HDAC4: variants seen among roughly 807,000 people sequenced by gnomAD.
HDAC4 encodes histone deacetylase A.
HDAC4 carries 16 observed loss-of-function variants against 135.1 expected under a neutral mutation model. The ratio of observed to expected loss-of-function variants is 0.12; its 90% CI spans 0.08 to 0.18. The LOEUF is 0.18. HDAC4 is among the 10% of genes least tolerant of loss of function. HDAC4 has a pLI of 1.00. For synonymous variants in HDAC4, 685 were observed against 653.4 expected, an observed-to-expected ratio of 1.05 and a Z score of -0.74; for missense variants, 1,143 against 1,511.8, an observed-to-expected ratio of 0.76 and a Z score of 4.05.
Position 239,082,023 on chromosome 2 carries a change from G to A in HDAC4, c.2652+79C>T. 4.7e-6 allele frequency: 7 copies of A among 1,497,098 alleles called. 1 individual carries two copies. In the South Asian group the frequency reaches 6.8e-5, roughly 15 times the overall value. The allele number at this position is 1,497,098 out of a possible 1,614,324, so 92.7% of individuals were successfully genotyped here. ...GCACTCACTGCTGCCGGGCAGCTGT[G>A]GACCGTCTGCCCCGTGCCCCCACAG... is the stretch of plus-strand genomic sequence containing the variant. On this transcript the variant is annotated intron_variant, in intron 21 of 26. Coordinates refer to ENST00000543185, the MANE Select transcript of HDAC4 (RefSeq NM_001378414.1).
intron 21 of HDAC4, among the ~76,000 whole-genome samples, chr2:239,081,445 C>T (rs979007478): frequency 7.2e-5 from 11 of 152,242 alleles, no homozygotes; most frequent in African/African-American, 2.7e-4. Context: ...GCCCTTGGCA[C>T]ACCAAGGCCC....
intron 2 of HDAC4, among the ~76,000 whole-genome samples, chr2:239,258,854 C>T (rs967912008): frequency 3.3e-5 from 5 of 152,118 alleles, no homozygotes; most frequent in East Asian, 1.9e-4. Flanking sequence ...GGCTCTACTC[C>T]GAAGTGAAGA....
chr2:239,138,216 G>A (rs1226231256), intron 9 of HDAC4, among the ~76,000 whole-genome samples: 1 of 152,200 alleles, frequency 6.6e-6, no homozygotes, highest in Non-Finnish European at 1.5e-5. Flanking sequence ...GGCTGAAGAA[G>A]ACAGGTAATA....
At chr2:239,128,190 T>C (rs1039207301) in intron 11 of HDAC4, among the ~76,000 whole-genome samples, 1 of 152,114 alleles carries the variant, frequency 6.6e-6, no homozygotes, top group Non-Finnish European at 1.5e-5. Flanking sequence ...AGTGAATAAC[T>C]AAAAATCCAT....
chr2:239,278,002 C>A (rs995044352), intron 2 of HDAC4, among the ~76,000 whole-genome samples: 7 of 152,030 alleles, frequency 4.6e-5, no homozygotes, highest in African/African-American at 9.7e-5. Context: ...CAGCCACACA[C>A]CCCAGCCACA....
At chr2:239,162,645 C>T (rs977686107) in intron 6 of HDAC4, among the ~76,000 whole-genome samples, 2 of 152,168 alleles carry the variant, frequency 1.3e-5, no homozygotes, top group Admixed American at 6.5e-5. Context: ...ACGCCGGTCT[C>T]ACTCCTCCTT....
At chr2:239,261,369 G>T (rs2049355090) in intron 2 of HDAC4, among the ~76,000 whole-genome samples, 1 of 152,176 alleles carries the variant, frequency 6.6e-6, no homozygotes, top group African/African-American at 2.4e-5. Context: ...CACCCCAGCA[G>T]CTGCCGTGTG....
chr2:239,087,820 C>T (rs1040703814), intron 18 of HDAC4, among the ~76,000 whole-genome samples: 1 of 151,982 alleles, frequency 6.6e-6, no homozygotes, highest in Non-Finnish European at 1.5e-5. Context: ...CTAAAGAGGT[C>T]TGGGGGCTAC....
intron 14 of HDAC4, among the ~76,000 whole-genome samples, chr2:239,110,259 T>C (rs1324435350): frequency 6.6e-6 from 1 of 152,254 alleles, no homozygotes; most frequent in Non-Finnish European, 1.5e-5. Context: ...CATGTTTTTC[T>C]TTACAATGAA....
At chr2:239,057,124 C>T (rs769637476) in intron 24 of HDAC4, among the ~76,000 whole-genome samples, 6 of 152,176 alleles carry the variant, frequency 3.9e-5, no homozygotes, top group Admixed American at 1.3e-4. Context: ...TTGTGACAAA[C>T]GACTCATATC....
intron 19 of HDAC4, 69 bp downstream of exon 19, chr2:239,087,490 C>T (rs2036091724): frequency 3.4e-6 from 5 of 1,468,878 alleles, no homozygotes; most frequent in Admixed American, 1.9e-5. Context: ...CTCACACACC[C>T]ACCCAGCCCT....
chr2:239,364,327 C>T (rs1245897543), intron 1 of HDAC4, among the ~76,000 whole-genome samples: 1 of 152,222 alleles, frequency 6.6e-6, no homozygotes, highest in Non-Finnish European at 1.5e-5. Context: ...GTCATCATAC[C>T]ACAGAACACC....
At chr2:239,213,881 T>C (rs1348329786) in intron 3 of HDAC4, among the ~76,000 whole-genome samples, 1 of 152,216 alleles carries the variant, frequency 6.6e-6, no homozygotes, top group African/African-American at 2.4e-5. Context: ...CAGAAAGCTA[T>C]GCAAAGCATG....
intron 2 of HDAC4, among the ~76,000 whole-genome samples, chr2:239,238,285 C>T (rs548031175): frequency 1.1e-4 from 16 of 152,002 alleles, no homozygotes; most frequent in African/African-American, 2.9e-4. Context: ...ATAAAAAATT[C>T]GAAAAGGTGC....
chr2:239,219,689 G>C (rs1263314961), intron 3 of HDAC4, among the ~76,000 whole-genome samples: 1 of 151,728 alleles, frequency 6.6e-6, no homozygotes, highest in Non-Finnish European at 1.5e-5. Flanking sequence ...GATTAGACGG[G>C]TAAAAAGCCC....
chr2:239,065,179 G>A (rs1352008608), intron 24 of HDAC4, among the ~76,000 whole-genome samples: 1 of 152,136 alleles, frequency 6.6e-6, no homozygotes, highest in Non-Finnish European at 1.5e-5. Context: ...CCCTCTGCCC[G>A]CCCCACAATG....
chr2:239,102,948 C>G (rs1455982135), intron 15 of HDAC4, 52 bp from the exon 16 acceptor site: 2 of 1,611,506 alleles, frequency 1.2e-6, no homozygotes, highest in Non-Finnish European at 1.7e-6. Context: ...GCTGCTGCTT[C>G]AGCTCCACAG....
chr2:239,215,746 C>T (rs1027547943), intron 3 of HDAC4, among the ~76,000 whole-genome samples: 1 of 152,158 alleles, frequency 6.6e-6, no homozygotes, highest in African/African-American at 2.4e-5. Flanking sequence ...TGTGGACTGG[C>T]AAAGCTGTCT....
intron 2 of HDAC4, among the ~76,000 whole-genome samples, chr2:239,260,227 C>T (rs2049276624): frequency 1.3e-5 from 2 of 152,216 alleles, no homozygotes; most frequent in African/African-American, 4.8e-5. Context: ...CACACACGCA[C>T]ACACACACGC....
Sources: gnomAD v4.1 joint callset for allele counts (sites outside exome capture counted in the v4.1 genomes callset) on GRCh38, gnomAD v4.1.1 for gene constraint, MANE v1.5 for transcripts, NCBI Gene and HGNC (gene_info 2026-07-23, HGNC 2026-07-21) for gene names.